The following LRRC37A variants were observed in gnomAD, a reference collection of about 807,000 sequenced individuals.
LRRC37A encodes the protein leucine-rich repeat-containing protein 37A.
Under a neutral mutation model 35.4 loss-of-function variants are expected in LRRC37A, and 3 were observed. That is an observed-to-expected ratio of 0.08 (90% CI 0.04 to 0.22). The LOEUF (loss-of-function observed/expected upper bound fraction) is 0.22, where lower values mean the gene tolerates loss of function less well. Among genes scored for constraint, LRRC37A ranks in the 10% least tolerant of loss-of-function variants. LRRC37A has a pLI of 1.00. For missense variants in LRRC37A, 67 were observed against 565.3 expected, an observed-to-expected ratio of 0.12 and a Z score of 8.94; for synonymous variants, 23 against 215.0, an observed-to-expected ratio of 0.11 and a Z score of 7.81.
At chr17:46,291,179 G>C (rs1257459725), upstream of LRRC37A, among the ~76,000 whole-genome samples, 1 of 152,216 alleles carries the variant, frequency 6.6e-6, no homozygotes, top group Non-Finnish European at 1.5e-5. Context: ...TCATTTCCTA[G>C]TTCATATATT....
chr17:46,278,162 T>C, the LRRC37A span, among the ~76,000 whole-genome samples: 1 of 152,064 alleles, frequency 6.6e-6, no homozygotes, highest in African/African-American at 2.4e-5. Context: ...GGCCAGCTGG[T>C]CTCGAACTCC....
upstream of LRRC37A, among the ~76,000 whole-genome samples, chr17:46,289,841 C>A (rs1342645617): frequency 3.3e-5 from 5 of 152,184 alleles, no homozygotes; most frequent in Admixed American, 2.0e-4. Flanking sequence ...AAAAATTCAT[C>A]CAGCACACTG....
chr17:46,292,451 A>G (rs1224221712), upstream of LRRC37A, among the ~76,000 whole-genome samples: 1 of 81,252 alleles, frequency 1.2e-5, no homozygotes, highest in African/African-American at 3.1e-5. Flanking sequence ...TCTCAGGAAA[A>G]TGTGAAACTC....
At chr17:46,270,960 G>A in the LRRC37A span, among the ~76,000 whole-genome samples, 15,680 of 144,090 alleles carry the variant, frequency 0.11, 1 homozygote, top group Middle Eastern at 0.18. Flanking sequence ...GGTTCAAATT[G>A]GATCAAGTGG....
chr17:46,249,589 G>A, the LRRC37A span, among the ~76,000 whole-genome samples: 1 of 152,112 alleles, frequency 6.6e-6, no homozygotes, highest in Non-Finnish European at 1.5e-5. Flanking sequence ...TGCCAACAAT[G>A]GAAACAAACC....
the LRRC37A span, chr17:46,267,230 C>A: frequency 0.16 from 117,719 of 719,836 alleles, 16 homozygotes; most frequent in Non-Finnish European, 0.21. Context: ...TCCCAGGGCG[C>A]CCGACCCATG....
At chr17:46,256,048 A>G in the LRRC37A span, among the ~76,000 whole-genome samples, 1 of 152,088 alleles carries the variant, frequency 6.6e-6, no homozygotes, top group African/African-American at 2.4e-5. Flanking sequence ...TTTGGGACGT[A>G]ATTAGGCTGA....
chr17:46,289,068 T>A (rs2049997892), upstream of LRRC37A, among the ~76,000 whole-genome samples: 1 of 152,222 alleles, frequency 6.6e-6, no homozygotes, highest in South Asian at 2.1e-4. Flanking sequence ...TATCCTGTAG[T>A]ACAACTTACT....
At chr17:46,263,248 G>T in the LRRC37A span, among the ~76,000 whole-genome samples, 1 of 152,002 alleles carries the variant, frequency 6.6e-6, no homozygotes, top group Non-Finnish European at 1.5e-5. Context: ...ATAAATAATT[G>T]TAGAGACAGA....
the LRRC37A span, among the ~76,000 whole-genome samples, chr17:46,252,673 A>T: frequency 6.6e-6 from 1 of 150,970 alleles, no homozygotes; most frequent in Non-Finnish European, 1.5e-5. Flanking sequence ...CATGTTTCAG[A>T]GAGCACAGGG....
At chr17:46,285,107 G>A in the LRRC37A span, among the ~76,000 whole-genome samples, 1 of 152,188 alleles carries the variant, frequency 6.6e-6, no homozygotes, top group African/African-American at 2.4e-5. Flanking sequence ...TGACTCAAGT[G>A]ATCCTCCTGC....
chr17:46,281,435 G>A, the LRRC37A span, among the ~76,000 whole-genome samples: 5 of 151,946 alleles, frequency 3.3e-5, no homozygotes, highest in Admixed American at 2.6e-4. Flanking sequence ...TGTGATTCAG[G>A]CTGGAGAGCG....
chr17:46,284,179 G>C, the LRRC37A span, among the ~76,000 whole-genome samples: 2 of 152,224 alleles, frequency 1.3e-5, no homozygotes, highest in Admixed American at 1.3e-4. Context: ...GTCAGGCTGG[G>C]GGACGGTCAG....
At chr17:46,259,033 T>TTTTTTTTTTTTTTTG in the LRRC37A span, among the ~76,000 whole-genome samples, 1 of 119,092 alleles carries the variant, frequency 8.4e-6, no homozygotes, top group Non-Finnish European at 1.6e-5. Flanking sequence ...TTTTTTTTTT[T>TTTTTTTTTTTTTTTG]TTTTTTTTTT....
At chr17:46,274,745 C>G in the LRRC37A span, 1 of 152,528 alleles carries the variant, frequency 6.6e-6, no homozygotes, top group African/African-American at 2.4e-5. Flanking sequence ...TGGAGTTATA[C>G]TTGACCCCAC....
chr17:46,283,104 T>C, the LRRC37A span, among the ~76,000 whole-genome samples: 1 of 152,056 alleles, frequency 6.6e-6, no homozygotes, highest in South Asian at 2.1e-4. Context: ...GGCAACAGGG[T>C]GAGACTCCAT....
chr17:46,279,491 T>TC, the LRRC37A span, among the ~76,000 whole-genome samples: 2 of 138,974 alleles, frequency 1.4e-5, no homozygotes, highest in Non-Finnish European at 3.1e-5. Flanking sequence ...GCCTTTTTTT[T>TC]CTTTCTTTCT....
the LRRC37A span, among the ~76,000 whole-genome samples, chr17:46,277,538 T>C: frequency 0.88 from 133,610 of 152,276 alleles, 57,479 homozygotes; most frequent in East Asian, 1. Flanking sequence ...AATGAGAAGT[T>C]GTGCTCCTCT....
At chr17:46,292,487 A>G (rs1267820481), upstream of LRRC37A, among the ~76,000 whole-genome samples, 2 of 79,988 alleles carry the variant, frequency 2.5e-5, no homozygotes, top group Non-Finnish European at 3.8e-5. Context: ...AGTGCAGGGT[A>G]TTTCCGGGGC....
Sources: gnomAD v4.1 joint callset for allele counts (sites outside exome capture counted in the v4.1 genomes callset) on GRCh38, gnomAD v4.1.1 for gene constraint, MANE v1.5 for transcripts, NCBI Gene and HGNC (gene_info 2026-07-23, HGNC 2026-07-21) for gene names.